DPP6: variants seen among roughly 807,000 people sequenced by gnomAD.
DPP6 encodes A-type potassium channel modulatory protein DPP6.
In DPP6, 69 loss-of-function variants were observed where a neutral mutation model predicts 122.6. The ratio of observed to expected loss-of-function variants is 0.56; its 90% CI spans 0.46 to 0.69. The LOEUF (loss-of-function observed/expected upper bound fraction) is 0.69. DPP6 is among the 30% of genes least tolerant of loss of function. DPP6 has a pLI of 0.00. For missense variants in DPP6, 928 were observed against 1,116.9 expected, an observed-to-expected ratio of 0.83 and a Z score of 2.41; for synonymous variants, 418 against 433.1, an observed-to-expected ratio of 0.97 and a Z score of 0.43.
rs4595034 is a variant in DPP6 at position 154,232,089 on chromosome 7, A to G, written c.243+179026A>G. ...TTTGGGCCAGTGGAGAGCAATAGCA[A>G]TCAGGACTTGGGAGGGAACCTAAGA... On this transcript the variant is annotated intron_variant, in intron 1 of 25. Transcript: ENST00000377770. Among the ~76,000 whole-genome samples, 1,321 of 152,286 alleles carry G rather than the reference A, an allele frequency of 8.7e-3. 19 individuals carry two copies. Among genetic ancestry groups the G allele is most frequent in the African/African-American group, 0.03 (1,244 of 41,568 alleles).
intron 4 of DPP6, among the ~76,000 whole-genome samples, chr7:154,546,972 A>G (rs1430588393): frequency 5.3e-5 from 8 of 152,200 alleles, no homozygotes; most frequent in African/African-American, 1.9e-4. Flanking sequence ...GCCCTGAAAC[A>G]GGGTAAATTT....
At chr7:154,459,908 A>G (rs765916573) in intron 2 of DPP6, among the ~76,000 whole-genome samples, 1 of 150,906 alleles carries the variant, frequency 6.6e-6, no homozygotes, top group Admixed American at 6.6e-5. Context: ...CAGTTCTACA[A>G]CCAGTCCCTA....
At chr7:154,822,226 G>GT (rs1799841220) in intron 16 of DPP6, among the ~76,000 whole-genome samples, 1 of 152,092 alleles carries the variant, frequency 6.6e-6, no homozygotes, top group Admixed American at 6.5e-5. Context: ...CATCCATCCT[G>GT]GCAGCTGTAA....
intron 16 of DPP6, among the ~76,000 whole-genome samples, chr7:154,827,985 G>A (rs191829158): frequency 2.6e-5 from 4 of 152,296 alleles, no homozygotes; most frequent in Admixed American, 6.5e-5. Flanking sequence ...GCACACCTGC[G>A]TGGTGCTGGA....
chr7:154,301,699 C>T (rs1281054180), intron 1 of DPP6, among the ~76,000 whole-genome samples: 1 of 150,850 alleles, frequency 6.6e-6, no homozygotes, highest in Non-Finnish European at 1.5e-5. Context: ...TGTTTGTTCT[C>T]TGGAGGCATA....
intron 8 of DPP6, among the ~76,000 whole-genome samples, chr7:154,733,613 C>T (rs1842441881): frequency 6.6e-6 from 1 of 152,098 alleles, no homozygotes. Flanking sequence ...CAATTCCATG[C>T]TTTATTGTCT....
chr7:153,895,555 C>T (rs905872688), intron 1 of DPP6, among the ~76,000 whole-genome samples: 14 of 152,132 alleles, frequency 9.2e-5, no homozygotes, highest in African/African-American at 2.7e-4. Flanking sequence ...TCTCTCAGCT[C>T]GCCAGTCTTG....
chr7:154,017,636 G>A (rs543158008), intron 1 of DPP6, among the ~76,000 whole-genome samples: 2 of 150,692 alleles, frequency 1.3e-5, no homozygotes, highest in Non-Finnish European at 2.9e-5. Context: ...GAATTTTAAG[G>A]TTGCAGTGAG....
chr7:154,048,461 A>G (rs1402494426), upstream of DPP6, among the ~76,000 whole-genome samples: 2 of 79,486 alleles, frequency 2.5e-5, no homozygotes, highest in Admixed American at 2.4e-4. Flanking sequence ...TTTGAGAGAT[A>G]GAGAGTGAGA....
At chr7:154,266,613 G>T (rs2150925391) in intron 1 of DPP6, among the ~76,000 whole-genome samples, 1 of 152,262 alleles carries the variant, frequency 6.6e-6, no homozygotes, top group African/African-American at 2.4e-5. Context: ...TGTTCATTCT[G>T]TACACTTGGC....
rs10952466 is a variant in DPP6, at chr7:154,223,775, G to T, written c.243+170712G>T. 6.8e-5 allele frequency among the ~76,000 whole-genome samples: 10 copies of T among 148,148 alleles called. 1 individual carries two copies. The South Asian group carries it at 1.3e-3, about 19-fold the overall frequency. On this transcript the variant is annotated intron_variant, in intron 1 of 25. Transcript: ENST00000377770. ...ACCCATGGAGAGGCTCTTGGGGTGA[G>T]GGTAGAGTGAGGACAACTTCACATT...
At chr7:154,834,497 A>G (rs1800889210) in intron 16 of DPP6, among the ~76,000 whole-genome samples, 1 of 151,496 alleles carries the variant, frequency 6.6e-6, no homozygotes, top group Non-Finnish European at 1.5e-5. Context: ...AAAAACAAAA[A>G]CAAAAACAAA....
chr7:153,771,227 C>T, the DPP6 span, among the ~76,000 whole-genome samples: 1 of 152,038 alleles, frequency 6.6e-6, no homozygotes, highest in Admixed American at 6.5e-5. Flanking sequence ...ATGAGAAGGT[C>T]CCAAAGGCAC....
chr7:154,705,077 G>C (rs1172110856), intron 7 of DPP6, among the ~76,000 whole-genome samples: 2 of 152,204 alleles, frequency 1.3e-5, no homozygotes, highest in African/African-American at 2.4e-5. Flanking sequence ...CCAGGGCAAA[G>C]ACCATCATTA....
chr7:154,402,299 G>A (rs1308559883), intron 1 of DPP6, among the ~76,000 whole-genome samples: 6 of 151,936 alleles, frequency 3.9e-5, no homozygotes, highest in Non-Finnish European at 8.8e-5. Flanking sequence ...ACATGCACAC[G>A]TATGTTTATT....
intron 16 of DPP6, among the ~76,000 whole-genome samples, chr7:154,813,877 C>CT (rs35188883): frequency 0.2 from 19,341 of 94,444 alleles, 3,071 homozygotes; most frequent in East Asian, 0.31. Context: ...AAGCACATTT[C>CT]TTTTTTTTTT....
the DPP6 span, among the ~76,000 whole-genome samples, chr7:153,848,990 T>A: frequency 2.0e-5 from 3 of 152,174 alleles, no homozygotes; most frequent in Non-Finnish European, 2.9e-5. Flanking sequence ...TTTTTAACTT[T>A]AATTTATGAT....
rs575849145 is a variant in DPP6 at position 154,490,095 on chromosome 7, T to G, written c.457+15058T>G. Reference sequence around the variant, plus strand: ...CCTAGAATCAGAGAAGTTAAGTCACTTACCTTAGGCCACACAGCTAATAGG... The same window carrying G: ...CCTAGAATCAGAGAAGTTAAGTCACGTACCTTAGGCCACACAGCTAATAGG... On this transcript the variant is annotated intron_variant, in intron 3 of 25. Transcript: ENST00000377770. Among the ~76,000 whole-genome samples, 11 of 152,332 alleles carry G rather than the reference T, an allele frequency of 7.2e-5. No homozygotes were observed. The South Asian group carries it at 2.3e-3, about 32-fold the overall frequency.
chr7:153,884,744 C>G (rs1448632357), upstream of DPP6, among the ~76,000 whole-genome samples: 3 of 151,950 alleles, frequency 2.0e-5, no homozygotes, highest in African/African-American at 7.3e-5. Flanking sequence ...TTTGGGGAGG[C>G]CGAGGTGGGC....
Sources: allele counts gnomAD v4.1 joint callset (sites outside exome capture counted in the v4.1 genomes callset), GRCh38; gene constraint gnomAD v4.1.1; transcripts MANE v1.5; gene names NCBI Gene and HGNC (gene_info 2026-07-23, HGNC 2026-07-21).